Variants in STARD4 observed in about 807,000 individuals in gnomAD.
The protein encoded by STARD4 is stAR-related lipid transfer protein 4.
STARD4 carries 33 observed loss-of-function variants against 24.9 expected under a neutral mutation model. The ratio of observed to expected loss-of-function variants is 1.32; its 90% CI spans 1.00 to 1.77. STARD4 has a LOEUF of 1.77. STARD4 is among the 40% of genes most tolerant of loss of function. The pLI is 0.00. For synonymous variants in STARD4, 88 were observed against 77.4 expected (o/e 1.14, Z -0.72); for missense variants, 238 against 249.3 (o/e 0.95, Z 0.31).
At chr5:111,509,173 G>C (rs1258130625) in intron 1 of STARD4, among the ~76,000 whole-genome samples, 1 of 152,004 alleles carries the variant, frequency 6.6e-6, no homozygotes, top group Non-Finnish European at 1.5e-5. Context: ...CTTGCAGAAG[G>C]CTTGTAAAAG....
Position 111,499,299 on chromosome 5 carries a change from T to G in STARD4, c.*587A>C, listed in dbSNP as rs551600766. 1.3e-5 allele frequency: 2 copies of G among 152,300 alleles called. No individual in the cohort carries two copies. The highest frequency in any genetic ancestry group is 4.8e-5 in the African/African-American group (2 of 41,560). The allele number at this position is 152,300 out of a possible 1,614,324, so 9.4% of individuals were successfully genotyped here. On this transcript the variant is annotated 3_prime_UTR_variant, in exon 6 of 6. Transcript: ENST00000296632. ...CATTATAAAATGATATCTAGGCACT[T>G]GGGTAAATCTAAGACTGTATTTGTT...
At chr5:111,505,762 G>C (rs1354267859) in intron 3 of STARD4, among the ~76,000 whole-genome samples, 1 of 152,066 alleles carries the variant, frequency 6.6e-6, no homozygotes, top group Non-Finnish European at 1.5e-5. Context: ...TATTAGAAGG[G>C]TCATGTATAC....
intron 3 of STARD4, among the ~76,000 whole-genome samples, chr5:111,502,622 A>C (rs958286957): frequency 2.0e-5 from 3 of 150,992 alleles, no homozygotes; most frequent in Non-Finnish European, 4.4e-5. Flanking sequence ...GCAGAAACCC[A>C]GTCTGTACTA....
rs1756402839 is a variant in STARD4, at chr5:111,501,017, C to T, written c.382G>A (p.Gly128Arg). ...DFSYTVGYKE[G>R]LLSCGISLDW... ...AGATTATTACCACAAGATAAAAGCCCTTCTTTATAGCCCACAGTATAGGAG... is the reference window on the plus strand; with the variant it reads ...AGATTATTACCACAAGATAAAAGCCTTTCTTTATAGCCCACAGTATAGGAG... The change falls in exon 5 of 6, where the codon GGG becomes AGG. Residue 128 changes from glycine to arginine, a missense_variant. Physicochemically the swap from Gly to Arg is moderately radical, Grantham distance 125. Transcript: ENST00000296632. 1 of 1,613,732 alleles carries T rather than the reference C, an allele frequency of 6.2e-7. No homozygotes were observed. Among genetic ancestry groups the T allele is most frequent in the Non-Finnish European group, 8.5e-7 (1 of 1,179,866 alleles).
chr5:111,501,254 G>A, intron 4 of STARD4, 138 bp from the exon 5 acceptor site: 1 of 951,350 alleles, frequency 1.1e-6, no homozygotes, highest in Non-Finnish European at 1.5e-6. Flanking sequence ...CACTGATTCT[G>A]ACAGGTCTAG....
rs1015932622 is a variant in STARD4 at position 111,498,819 on chromosome 5, C to G, written c.*1067G>C. The G allele has an allele frequency of 4.6e-5, 7 of 151,910 alleles. No individual in the cohort carries two copies. Among genetic ancestry groups the G allele is most frequent in the African/African-American group, 1.7e-4 (7 of 41,402 alleles). 9.4% of individuals were successfully genotyped at this position (151,910 alleles called of 1,614,324 possible). ...GGCAAAAAATAAATAAAAACAAAAG[C>G]AAAAAACAGCTCCACTGTTCCACTT... On this transcript the variant is annotated 3_prime_UTR_variant, in exon 6 of 6. Coordinates refer to ENST00000296632, the MANE Select transcript of STARD4 (RefSeq NM_139164.3).
intron 4 of STARD4, 98 bp downstream of exon 4, chr5:111,501,864 T>G (rs1327025025): frequency 6.7e-7 from 1 of 1,486,740 alleles, no homozygotes; most frequent in African/African-American, 1.4e-5. Context: ...GCAATGAATA[T>G]AAGTGTGTAC....
intron 1 of STARD4, among the ~76,000 whole-genome samples, chr5:111,510,255 A>G (rs1034699939): frequency 6.6e-6 from 1 of 152,154 alleles, no homozygotes; most frequent in African/African-American, 2.4e-5. Context: ...TCAAAATATT[A>G]ATATATTCTA....
chr5:111,500,112 A>G lies in STARD4; in HGVS notation c.398-6T>C, dbSNP rs186135489. On this transcript the variant is annotated splice_region_variant and splice_polypyrimidine_tract_variant and intron_variant, in intron 5 of 5. Coordinates refer to ENST00000296632, the MANE Select transcript of STARD4 (RefSeq NM_139164.3). ...ATCCCAGTCAAGACTTATTCCTATA[A>G]GGCAATTTTTAAAATAGCACTATTA... The G allele has an allele frequency of 2.3e-3, 3,712 of 1,587,730 alleles. 3 individuals are homozygous for G. Among genetic ancestry groups the G allele is most frequent in the Non-Finnish European group, 2.4e-3 (2,805 of 1,163,272 alleles).
intron 1 of STARD4, among the ~76,000 whole-genome samples, chr5:111,511,458 G>T (rs1280307004): frequency 6.6e-6 from 1 of 152,174 alleles, no homozygotes; most frequent in Non-Finnish European, 1.5e-5. Context: ...TATGGTAAAG[G>T]AATTTTAGTT....
At chr5:111,502,307 A>G (rs1185440745) in intron 3 of STARD4, among the ~76,000 whole-genome samples, 1 of 152,058 alleles carries the variant, frequency 6.6e-6, no homozygotes, top group Admixed American at 6.6e-5. Flanking sequence ...TGTCTCTACT[A>G]AAATTACAAA....
Position 111,510,427 on chromosome 5 carries a change from C to G in STARD4, c.-10+1958G>C, listed in dbSNP as rs1757174066. Among the ~76,000 whole-genome samples, 3 of 152,242 alleles carry G rather than the reference C, an allele frequency of 2.0e-5. No individual in the cohort carries two copies. In the South Asian group the frequency reaches 6.2e-4, roughly 32 times the overall value. ...AATGTTTTAAATGCCATTCTGAACC[C>G]ATTCTGAACTTCCTTTTACTAATTC... On this transcript the variant is annotated intron_variant, in intron 1 of 5. Coordinates refer to ENST00000296632, the MANE Select transcript of STARD4 (RefSeq NM_139164.3).
intron 1 of STARD4, among the ~76,000 whole-genome samples, chr5:111,511,420 T>C (rs1345787816): frequency 6.6e-6 from 1 of 152,250 alleles, no homozygotes; most frequent in Non-Finnish European, 1.5e-5. Flanking sequence ...ACAACAGTAA[T>C]AGTCCTCCTT....
intron 1 of STARD4, among the ~76,000 whole-genome samples, chr5:111,508,605 C>T (rs531742561): frequency 1.3e-5 from 2 of 152,188 alleles, no homozygotes; most frequent in South Asian, 4.1e-4. Context: ...ATGAAATCAC[C>T]CTCTATGGGA....
intron 1 of STARD4, among the ~76,000 whole-genome samples, chr5:111,509,382 C>T (rs541109355): frequency 6.6e-6 from 1 of 152,158 alleles, no homozygotes; most frequent in African/African-American, 2.4e-5. Flanking sequence ...GGAAAGTTAC[C>T]TAGAAAGCTA....
chr5:111,501,849 TCAAAG>T, intron 4 of STARD4, 108 bp downstream of exon 4: 2 of 1,422,904 alleles, frequency 1.4e-6, no homozygotes. Flanking sequence ...ACTGCTATTC[TCAAAG>T]CAATGAATAT....
intron 1 of STARD4, among the ~76,000 whole-genome samples, chr5:111,511,588 G>T (rs1175843797): frequency 1.3e-5 from 2 of 148,846 alleles, no homozygotes; most frequent in Non-Finnish European, 2.9e-5. Flanking sequence ...AGGGAAAATA[G>T]CAACAGGAAG....
At position 111,496,531 on chromosome 5, in the gene STARD4, G is replaced by A. The variant is rs1029544454; in HGVS notation, c.*3355C>T. ...ATTTAAAACACCTGATTCTAAGGAC[G>A]GTGGTACACTCTTGAGAAAAGAGTT... On this transcript the variant is annotated 3_prime_UTR_variant, in exon 6 of 6. Transcript: ENST00000296632. 2.0e-5 allele frequency: 3 copies of A among 152,076 alleles called. No homozygotes were observed. Among genetic ancestry groups the A allele is most frequent in the African/African-American group, 2.4e-5 (1 of 41,430 alleles). The allele number at this position is 152,076 out of a possible 1,614,324, so 9.4% of individuals were successfully genotyped here.
Sources: gnomAD v4.1 joint callset for allele counts (sites outside exome capture counted in the v4.1 genomes callset) on GRCh38, gnomAD v4.1.1 for gene constraint, MANE v1.5 for transcripts, NCBI Gene and HGNC (gene_info 2026-07-23, HGNC 2026-07-21) for gene names.